The following NFATC1 variants were observed in gnomAD, a reference collection of about 807,000 sequenced individuals.
NFATC1 encodes nuclear factor of activated T cells 1.
Under a neutral mutation model 76.0 loss-of-function variants are expected in NFATC1, and 22 were observed. The ratio of observed to expected loss-of-function variants is 0.29; its 90% CI spans 0.21 to 0.41. The LOEUF (loss-of-function observed/expected upper bound fraction) is 0.41. Among genes scored for constraint, NFATC1 ranks in the 10% least tolerant of loss-of-function variants. NFATC1 has a pLI of 1.00. For missense variants in NFATC1, 1,357 were observed against 1,337.7 expected (o/e 1.01, Z -0.23); for synonymous variants, 704 against 613.1 (o/e 1.15, Z -2.19).
intron 1 of NFATC1, among the ~76,000 whole-genome samples, chr18:79,398,567 G>C (rs2085079420): frequency 6.6e-6 from 1 of 152,216 alleles, no homozygotes; most frequent in African/African-American, 2.4e-5. Context: ...GGAGCAGCAG[G>C]GGAGCCGCCC....
At chr18:79,518,494 GCACCC>G (rs1206504313) in intron 9 of NFATC1, among the ~76,000 whole-genome samples, 2 of 152,174 alleles carry the variant, frequency 1.3e-5, no homozygotes, top group African/African-American at 4.8e-5. Context: ...GAAGTGCCTG[GCACCC>G]CCCCTCTCGC....
At chr18:79,469,592 G>A (rs12964761) in intron 8 of NFATC1, 1 of 985,848 alleles carries the variant, frequency 1.0e-6, no homozygotes. Context: ...ATTGTGCCCA[G>A]CGTGGACATC....
chr18:79,404,831 G>T (rs2148154261), intron 1 of NFATC1, among the ~76,000 whole-genome samples: 1 of 152,338 alleles, frequency 6.6e-6, no homozygotes, highest in Middle Eastern at 3.4e-3. Context: ...GGTGCCCTGG[G>T]GCTCAGCACG....
intron 3 of NFATC1, among the ~76,000 whole-genome samples, chr18:79,439,251 G>T (rs1450001285): frequency 6.6e-6 from 1 of 152,192 alleles, no homozygotes; most frequent in Non-Finnish European, 1.5e-5. Flanking sequence ...AGCCGGGGAG[G>T]GACGTCGCTG....
chr18:79,481,643 C>T (rs2089274975), intron 8 of NFATC1, among the ~76,000 whole-genome samples: 1 of 152,210 alleles, frequency 6.6e-6, no homozygotes, highest in Non-Finnish European at 1.5e-5. Context: ...TTCTTCAGCC[C>T]GAACTAAGGA....
chr18:79,397,228 G>A (rs1209931627), intron 1 of NFATC1, among the ~76,000 whole-genome samples: 1 of 152,216 alleles, frequency 6.6e-6, no homozygotes, highest in East Asian at 1.9e-4. Context: ...TACGAGTTAG[G>A]GATTAGGGAT....
At chr18:79,520,787 G>GTGT (rs1491493622) in intron 9 of NFATC1, among the ~76,000 whole-genome samples, 1 of 78,204 alleles carries the variant, frequency 1.3e-5, no homozygotes, top group African/African-American at 5.4e-5. Flanking sequence ...GTGTGTGTGT[G>GTGT]GGGGGGCATC....
At chr18:79,514,387 C>T (rs2090328816) in intron 9 of NFATC1, among the ~76,000 whole-genome samples, 1 of 151,790 alleles carries the variant, frequency 6.6e-6, no homozygotes, top group Non-Finnish European at 1.5e-5. Flanking sequence ...CCAGCTTGGG[C>T]AACATGGTGA....
chr18:79,478,502 C>T (rs927257589), intron 8 of NFATC1, among the ~76,000 whole-genome samples: 9 of 152,146 alleles, frequency 5.9e-5, no homozygotes, highest in Admixed American at 4.6e-4. Flanking sequence ...AGGAACCGTT[C>T]GAGGGGCTGC....
At chr18:79,475,482 C>G (rs1448570731) in intron 8 of NFATC1, among the ~76,000 whole-genome samples, 1 of 151,062 alleles carries the variant, frequency 6.6e-6, no homozygotes, top group African/African-American at 2.4e-5. Context: ...GGTGTTTTCA[C>G]GCTCACTGTC....
chr18:79,518,071 G>A (rs116844899), intron 9 of NFATC1, among the ~76,000 whole-genome samples: 3,475 of 152,266 alleles, frequency 0.023, 73 homozygotes, highest in Non-Finnish European at 0.039. Flanking sequence ...TGAGGGCGTC[G>A]TTGTCTGTGC....
At chr18:79,525,533 G>A (rs536520816) in intron 9 of NFATC1, among the ~76,000 whole-genome samples, 4 of 148,316 alleles carry the variant, frequency 2.7e-5, no homozygotes, top group South Asian at 4.3e-4. Context: ...TCCTCCCCAC[G>A]TCCCACCGTC....
chr18:79,454,104 G>T (rs534626109), intron 6 of NFATC1, among the ~76,000 whole-genome samples: 20 of 152,336 alleles, frequency 1.3e-4, no homozygotes, highest in African/African-American at 4.6e-4. Context: ...ACCAGGGCCG[G>T]GTGTGAGCTC....
At position 79,426,665 on chromosome 18, in the gene NFATC1, C is replaced by T. The variant is rs141994425; in HGVS notation, c.1227-6914C>T. Among the ~76,000 whole-genome samples the T allele has an allele frequency of 1.5e-3, 227 of 152,356 alleles. 1 individual carries two copies. The highest frequency in any genetic ancestry group is 2.8e-3 in the Non-Finnish European group (192 of 68,022). On this transcript the variant is annotated intron_variant, in intron 2 of 9. Coordinates refer to ENST00000427363, the MANE Select transcript of NFATC1 (RefSeq NM_001278669.2). ...GGGAGTGTTGCCGGGGCGGGAAGCC[C>T]GGACCCCCCTGTGACTCAGCTGCAG...
chr18:79,444,269 T>C (rs2087104074), intron 3 of NFATC1, among the ~76,000 whole-genome samples: 2 of 152,176 alleles, frequency 1.3e-5, no homozygotes, highest in Non-Finnish European at 2.9e-5. Context: ...CGTGTGTGTG[T>C]GCCCACGTGT....
At chr18:79,498,862 G>A (rs1034904350) in intron 9 of NFATC1, among the ~76,000 whole-genome samples, 2 of 152,154 alleles carry the variant, frequency 1.3e-5, no homozygotes, top group East Asian at 1.9e-4. Flanking sequence ...ACAGTGGGAC[G>A]GCGCATTCAA....
intron 8 of NFATC1, among the ~76,000 whole-genome samples, chr18:79,475,493 G>T (rs977419017): frequency 6.7e-6 from 1 of 150,142 alleles, no homozygotes; most frequent in African/African-American, 2.5e-5. Flanking sequence ...GCTCACTGTC[G>T]ACGTTGCGAT....
intron 8 of NFATC1, among the ~76,000 whole-genome samples, chr18:79,482,507 C>T (rs1188378760): frequency 9.3e-6 from 1 of 107,322 alleles, no homozygotes; most frequent in Non-Finnish European, 1.8e-5. Flanking sequence ...CCTGGGGTGT[C>T]ATTCCAGCGT....
At chr18:79,434,379 C>T (rs1050839801) in intron 3 of NFATC1, among the ~76,000 whole-genome samples, 2 of 152,224 alleles carry the variant, frequency 1.3e-5, no homozygotes, top group African/African-American at 2.4e-5. Flanking sequence ...GTTAGGCTGT[C>T]GAGGGAGGGG....
Sources: gnomAD v4.1 joint callset for allele counts (sites outside exome capture counted in the v4.1 genomes callset) on GRCh38, gnomAD v4.1.1 for gene constraint, MANE v1.5 for transcripts, NCBI Gene and HGNC (gene_info 2026-07-23, HGNC 2026-07-21) for gene names.